The following ASCC3 variants were observed in gnomAD, a reference collection of about 807,000 sequenced individuals.
ASCC3 encodes ASC-1 complex subunit P200.
Under a neutral mutation model 256.3 loss-of-function variants are expected in ASCC3, and 158 were observed. That is an observed-to-expected ratio of 0.62 (90% CI 0.54 to 0.70). ASCC3 has a LOEUF of 0.70. Among genes scored for constraint, ASCC3 ranks in the 30% least tolerant of loss-of-function variants. The pLI is 0.00. For synonymous variants in ASCC3, 948 were observed against 883.4 expected (o/e 1.07, Z -1.30); for missense variants, 2,259 against 2,626.0 (o/e 0.86, Z 3.05).
At chr6:100,746,581 TTAA>T (rs767394652) in intron 10 of ASCC3, among the ~76,000 whole-genome samples, 4 of 152,150 alleles carry the variant, frequency 2.6e-5, no homozygotes, top group Non-Finnish European at 5.9e-5. Flanking sequence ...TGCAAATGAA[TTAA>T]TAACAGCTAG....
intron 36 of ASCC3, among the ~76,000 whole-genome samples, chr6:100,578,258 A>AAGTAATTAATT (rs1481589313): frequency 6.6e-6 from 1 of 152,214 alleles, no homozygotes; most frequent in African/African-American, 2.4e-5. Context: ...CTAATCAATT[A>AAGTAATTAATT]AGTAATTAAT....
At chr6:100,687,050 A>G (rs555528981) in intron 13 of ASCC3, among the ~76,000 whole-genome samples, 2 of 151,738 alleles carry the variant, frequency 1.3e-5, no homozygotes, top group African/African-American at 4.8e-5. Context: ...ACACACACAC[A>G]CACACACACA....
intron 13 of ASCC3, among the ~76,000 whole-genome samples, chr6:100,700,870 G>A (rs1459143295): frequency 6.6e-6 from 1 of 152,162 alleles, no homozygotes; most frequent in African/African-American, 2.4e-5. Flanking sequence ...ATAGGCAGAC[G>A]GGATTTCCCT....
At chr6:100,596,461 T>C (rs1582523948) in intron 34 of ASCC3, among the ~76,000 whole-genome samples, 4 of 152,356 alleles carry the variant, frequency 2.6e-5, no homozygotes, top group Admixed American at 2.6e-4. Context: ...AGTTTTTGCT[T>C]TACATATCTG....
chr6:100,521,081 T>G (rs1046992861), intron 37 of ASCC3, among the ~76,000 whole-genome samples: 3 of 152,180 alleles, frequency 2.0e-5, no homozygotes, highest in Non-Finnish European at 4.4e-5. Context: ...TTACAGTGAT[T>G]GTAACAACAT....
At chr6:100,518,740 A>C (rs1774158779) in intron 37 of ASCC3, among the ~76,000 whole-genome samples, 1 of 152,180 alleles carries the variant, frequency 6.6e-6, no homozygotes, top group African/African-American at 2.4e-5. Context: ...TTTTATGGAC[A>C]AACAAAAGGC....
At chr6:100,693,380 GA>G (rs939865787) in intron 13 of ASCC3, among the ~76,000 whole-genome samples, 98 of 143,768 alleles carry the variant, frequency 6.8e-4, no homozygotes, top group Middle Eastern at 3.5e-3. Flanking sequence ...AAGGCTGTGG[GA>G]AAAAAAAAAA....
intron 25 of ASCC3, 114 bp from the exon 26 acceptor site, chr6:100,631,327 T>C: frequency 1.3e-6 from 1 of 753,886 alleles, no homozygotes; most frequent in Non-Finnish European, 2.3e-6. Flanking sequence ...TGAAAATGTA[T>C]CTTTTAATTC....
chr6:100,632,081 C>T (rs1252592941), intron 25 of ASCC3, among the ~76,000 whole-genome samples: 1 of 146,530 alleles, frequency 6.8e-6, no homozygotes, highest in African/African-American at 2.5e-5. Context: ...CTAAATACTA[C>T]ATAAAAAAAC....
At chr6:100,722,996 T>A (rs1302927417) in intron 11 of ASCC3, among the ~76,000 whole-genome samples, 1 of 151,810 alleles carries the variant, frequency 6.6e-6, no homozygotes, top group Non-Finnish European at 1.5e-5. Context: ...TTACTAGATC[T>A]TTATAAATTT....
At chr6:100,667,279 T>C (rs1452023235) in intron 14 of ASCC3, among the ~76,000 whole-genome samples, 1 of 152,006 alleles carries the variant, frequency 6.6e-6, no homozygotes, top group Non-Finnish European at 1.5e-5. Context: ...TGGGGAAAGG[T>C]AGGCAGCAGG....
At chr6:100,621,222 T>C (rs1365856805) in intron 30 of ASCC3, among the ~76,000 whole-genome samples, 3 of 152,172 alleles carry the variant, frequency 2.0e-5, no homozygotes, top group Admixed American at 6.5e-5. Context: ...CTCAGCAAAC[T>C]AATGCAGGAA....
At chr6:100,744,494 T>C (rs1017110979) in intron 10 of ASCC3, among the ~76,000 whole-genome samples, 14 of 152,306 alleles carry the variant, frequency 9.2e-5, no homozygotes, top group African/African-American at 3.1e-4. Context: ...ACATCAAAAT[T>C]AACTTTTATA....
intron 36 of ASCC3, among the ~76,000 whole-genome samples, chr6:100,580,464 T>C (rs1771159054): frequency 6.6e-6 from 1 of 151,686 alleles, no homozygotes; most frequent in African/African-American, 2.4e-5. Context: ...TAAAAGTGAA[T>C]AGATGTTTTA....
intron 13 of ASCC3, among the ~76,000 whole-genome samples, chr6:100,697,832 T>C (rs1399651208): frequency 6.6e-6 from 1 of 152,106 alleles, no homozygotes; most frequent in East Asian, 1.9e-4. Context: ...TAAATCTATC[T>C]TAAGAGATTT....
At chr6:100,680,143 A>T (rs1252717247) in intron 13 of ASCC3, among the ~76,000 whole-genome samples, 3 of 152,246 alleles carry the variant, frequency 2.0e-5, no homozygotes, top group African/African-American at 7.2e-5. Flanking sequence ...AATTGAAAAC[A>T]ATAGAGAAAA....
At chr6:100,548,053 C>G (rs1362871102) in intron 36 of ASCC3, among the ~76,000 whole-genome samples, 1 of 146,990 alleles carries the variant, frequency 6.8e-6, no homozygotes, top group East Asian at 2.0e-4. Context: ...AAAAAAAAAA[C>G]AGGAATACAT....
chr6:100,638,009 T>C (rs1194577046), intron 25 of ASCC3, among the ~76,000 whole-genome samples: 2 of 152,204 alleles, frequency 1.3e-5, no homozygotes, highest in African/African-American at 4.8e-5. Context: ...GGTTGACTCA[T>C]TTTGAAAGAC....
intron 36 of ASCC3, among the ~76,000 whole-genome samples, chr6:100,572,227 G>A (rs1257881936): frequency 6.6e-6 from 1 of 152,086 alleles, no homozygotes; most frequent in Non-Finnish European, 1.5e-5. Context: ...TGGGATTAGT[G>A]CCCTTATAAA....
Sources: allele counts gnomAD v4.1 joint callset (sites outside exome capture counted in the v4.1 genomes callset), GRCh38; gene constraint gnomAD v4.1.1; transcripts MANE v1.5; gene names NCBI Gene and HGNC (gene_info 2026-07-23, HGNC 2026-07-21).